The following GPC5 variants were observed in gnomAD, a reference collection of about 807,000 sequenced individuals.
GPC5 encodes glypican 5.
GPC5 carries 47 observed loss-of-function variants against 53.9 expected under a neutral mutation model. The ratio of observed to expected loss-of-function variants is 0.87; its 90% CI spans 0.69 to 1.11. GPC5 has a LOEUF of 1.11. GPC5 is among the 50% of genes most tolerant of loss of function. GPC5 has a pLI of 0.00. For synonymous variants in GPC5, 286 were observed against 263.3 expected (o/e 1.09, Z -0.84); for missense variants, 748 against 713.1 (o/e 1.05, Z -0.56).
chr13:92,705,911 C>T (rs1028975645), intron 7 of GPC5: 5 of 150,228 alleles, frequency 3.3e-5, no homozygotes, highest in Non-Finnish European at 5.9e-5. Flanking sequence ...TAGAACAAGA[C>T]CTCATCTCCA....
intron 7 of GPC5, among the ~76,000 whole-genome samples, chr13:92,644,035 GA>G (rs1471287736): frequency 1.3e-5 from 2 of 152,168 alleles, no homozygotes; most frequent in Non-Finnish European, 2.9e-5. Context: ...TAAATCAGAG[GA>G]AGCATGGGGG....
chr13:92,481,065 C>G (rs1382578043), intron 7 of GPC5, among the ~76,000 whole-genome samples: 2 of 152,054 alleles, frequency 1.3e-5, no homozygotes, highest in Non-Finnish European at 2.9e-5. Flanking sequence ...AGGCTTCTGA[C>G]CTCCAGAACT....
chr13:92,196,470 TG>T (rs1323157534), intron 7 of GPC5, among the ~76,000 whole-genome samples: 2 of 152,292 alleles, frequency 1.3e-5, no homozygotes, highest in East Asian at 3.9e-4. Context: ...AGCTTTTTAT[TG>T]TTCTATATTT....
Position 92,866,600 on chromosome 13 carries a change from C to A in GPC5, c.*161C>A. Reference sequence around the variant, plus strand: ...CCAAGCTGAAATATTCATAAAGTCCCTAAAACTCAACGTTTAAATGACACA... The same window carrying A: ...CCAAGCTGAAATATTCATAAAGTCCATAAAACTCAACGTTTAAATGACACA... On this transcript the variant is annotated 3_prime_UTR_variant, in exon 8 of 8. Transcript: ENST00000377067. 1.9e-6 allele frequency: 1 copy of A among 520,662 alleles called. No homozygotes were observed. Among genetic ancestry groups the A allele is most frequent in the East Asian group, 3.3e-5 (1 of 30,080 alleles). 32.3% of individuals were successfully genotyped at this position (520,662 alleles called of 1,614,324 possible).
chr13:91,615,384 G>T (rs1465713739), intron 2 of GPC5, among the ~76,000 whole-genome samples: 3 of 152,154 alleles, frequency 2.0e-5, no homozygotes, highest in Non-Finnish European at 4.4e-5. Context: ...TGAATTGGAA[G>T]TTGCACATAT....
intron 5 of GPC5, among the ~76,000 whole-genome samples, chr13:91,822,934 C>T (rs2038519331): frequency 6.6e-6 from 1 of 152,012 alleles, no homozygotes; most frequent in Non-Finnish European, 1.5e-5. Flanking sequence ...TATTATTCTC[C>T]TGTGCCTGTG....
At chr13:91,615,492 A>G (rs1288375875) in intron 2 of GPC5, among the ~76,000 whole-genome samples, 1 of 152,196 alleles carries the variant, frequency 6.6e-6, no homozygotes, top group South Asian at 2.1e-4. Flanking sequence ...TTGCATGACC[A>G]TATGAGCAGA....
intron 2 of GPC5, among the ~76,000 whole-genome samples, chr13:91,491,127 T>C (rs1273042384): frequency 6.6e-6 from 1 of 152,184 alleles, no homozygotes; most frequent in Admixed American, 6.5e-5. Context: ...TAGCTTACCA[T>C]GATCTCTTCC....
At chr13:91,612,102 G>T (rs946515944) in intron 2 of GPC5, among the ~76,000 whole-genome samples, 1 of 152,082 alleles carries the variant, frequency 6.6e-6, no homozygotes. Context: ...TTCCAACTCT[G>T]GAAACTTGCC....
At chr13:91,853,916 C>T (rs2038939819) in intron 5 of GPC5, among the ~76,000 whole-genome samples, 1 of 151,878 alleles carries the variant, frequency 6.6e-6, no homozygotes, top group African/African-American at 2.4e-5. Context: ...CAGTGAGAAC[C>T]TTTCAGCCAT....
chr13:92,819,019 G>A (rs552647616), intron 7 of GPC5, among the ~76,000 whole-genome samples: 2 of 151,828 alleles, frequency 1.3e-5, no homozygotes, highest in South Asian at 4.2e-4. Context: ...ATACAAAAGG[G>A]GAAAATAAAA....
chr13:92,848,485 T>C (rs1043629726), intron 7 of GPC5, among the ~76,000 whole-genome samples: 5 of 152,164 alleles, frequency 3.3e-5, no homozygotes, highest in African/African-American at 1.2e-4. Context: ...TAGGGTACTA[T>C]GAAGAGCTAC....
At chr13:91,711,688 G>T (rs144406048) in intron 3 of GPC5, among the ~76,000 whole-genome samples, 112 of 152,228 alleles carry the variant, frequency 7.4e-4, no homozygotes, top group African/African-American at 2.6e-3. Flanking sequence ...TAACCAAGAA[G>T]CCCATTTTTG....
At chr13:91,486,453 T>A (rs923182126) in intron 2 of GPC5, 1 of 152,218 alleles carries the variant, frequency 6.6e-6, no homozygotes, top group Non-Finnish European at 1.5e-5. Flanking sequence ...GGGTTTTCTT[T>A]AGGGGTCTTT....
At position 92,475,254 on chromosome 13, in the gene GPC5, T is replaced by C. The variant is rs532593494; in HGVS notation, c.1561+330265T>C. On this transcript the variant is annotated intron_variant, in intron 7 of 7. Coordinates refer to ENST00000377067, the MANE Select transcript of GPC5 (RefSeq NM_004466.6). ...TTCTGTGAAGAAAGGCATTGGTAGC[T>C]TGATGGGGATGGCATTGAATCTGTA... Among the ~76,000 whole-genome samples the C allele has an allele frequency of 8.1e-5, 12 of 148,698 alleles. No individual in the cohort carries two copies. The South Asian group carries it at 2.6e-3, about 32-fold the overall frequency.
chr13:91,749,607 A>G (rs2037125881), intron 4 of GPC5, among the ~76,000 whole-genome samples: 1 of 152,206 alleles, frequency 6.6e-6, no homozygotes, highest in South Asian at 2.1e-4. Flanking sequence ...GGAAATACCC[A>G]ATAGTGGGAT....
At chr13:92,271,777 T>C (rs896728658) in intron 7 of GPC5, among the ~76,000 whole-genome samples, 4 of 152,164 alleles carry the variant, frequency 2.6e-5, no homozygotes, top group African/African-American at 4.8e-5. Flanking sequence ...GCTTAGTGTA[T>C]GTGACTAGGT....
chr13:92,803,460 T>C (rs908375077), intron 7 of GPC5, among the ~76,000 whole-genome samples: 2 of 151,980 alleles, frequency 1.3e-5, no homozygotes, highest in African/African-American at 4.8e-5. Flanking sequence ...ATAAACTCTC[T>C]TGGGAGCCTA....
At chr13:92,834,256 TTTTTA>T (rs1328888130) in intron 7 of GPC5, among the ~76,000 whole-genome samples, 1 of 152,178 alleles carries the variant, frequency 6.6e-6, no homozygotes, top group Non-Finnish European at 1.5e-5. Flanking sequence ...AAGATAATTA[TTTTTA>T]TTTTCTCTTT....
Sources: gnomAD v4.1 joint callset for allele counts (sites outside exome capture counted in the v4.1 genomes callset) on GRCh38, gnomAD v4.1.1 for gene constraint, MANE v1.5 for transcripts, NCBI Gene and HGNC (gene_info 2026-07-23, HGNC 2026-07-21) for gene names.